The following FAR1 variants were observed in gnomAD, a reference collection of about 807,000 sequenced individuals.
The protein encoded by FAR1 is male sterility domain-containing protein 2.
In FAR1, 22 loss-of-function variants were observed where a neutral mutation model predicts 61.1. The observed-to-expected ratio is 0.36, with a 90% CI of 0.26 to 0.51. FAR1 has a LOEUF of 0.51. Ranked by LOEUF, FAR1 falls within the 20% of genes least tolerant of loss-of-function variation. The probability of loss-of-function intolerance (pLI) is 0.95; values close to 1 mark genes in which losing one functional copy is unlikely to be tolerated. For synonymous variants in FAR1, 206 were observed against 209.7 expected (o/e 0.98, Z 0.15); for missense variants, 359 against 626.9 (o/e 0.57, Z 4.56).
chr11:13,689,652 CAA>C (rs1261672776), intron 1 of FAR1, among the ~76,000 whole-genome samples: 1 of 152,072 alleles, frequency 6.6e-6, no homozygotes, highest in Non-Finnish European at 1.5e-5. Flanking sequence ...GGTATATAAT[CAA>C]GAGTGGAATT....
chr11:13,686,772 A>T (rs1156952327), intron 1 of FAR1: 1 of 152,270 alleles, frequency 6.6e-6, no homozygotes, highest in Non-Finnish European at 1.5e-5. Context: ...TTAATTATCC[A>T]GAAGTTTCTA....
chr11:13,693,532 A>G (rs146069702), intron 1 of FAR1, among the ~76,000 whole-genome samples: 225 of 152,324 alleles, frequency 1.5e-3, no homozygotes, highest in African/African-American at 5.2e-3. Flanking sequence ...AAGTTTATGC[A>G]GAAAGTAAGA....
At chr11:13,722,862 A>C (rs59737624) in intron 10 of FAR1, among the ~76,000 whole-genome samples, 31,647 of 114,936 alleles carry the variant, frequency 0.28, 3,568 homozygotes, top group Non-Finnish European at 0.32. Context: ...CTCTCTCTAT[A>C]TATATATATA....
At chr11:13,717,438 A>G (rs541051786) in intron 9 of FAR1, among the ~76,000 whole-genome samples, 7 of 152,326 alleles carry the variant, frequency 4.6e-5, no homozygotes, top group Admixed American at 2.6e-4. Flanking sequence ...ACACTGGTCT[A>G]TAACATTTCT....
intron 3 of FAR1, 32 bp from the exon 4 acceptor site, chr11:13,707,868 A>G (rs760654007): frequency 2.2e-5 from 32 of 1,446,788 alleles, no homozygotes; most frequent in Non-Finnish European, 2.8e-5. Context: ...TAGCTTCCCA[A>G]TTTTCTATTG....
chr11:13,678,299 G>T (rs987564627), intron 1 of FAR1, among the ~76,000 whole-genome samples: 1 of 152,064 alleles, frequency 6.6e-6, no homozygotes, highest in Non-Finnish European at 1.5e-5. Flanking sequence ...GAGTCTCGCT[G>T]TGTCGCCCAG....
intron 9 of FAR1, 74 bp downstream of exon 9, chr11:13,714,754 TC>T (rs1848537786): frequency 1.5e-6 from 2 of 1,350,422 alleles, no homozygotes; most frequent in Non-Finnish European, 2.0e-6. Context: ...GCATATTAAC[TC>T]TGTATTTGTT....
intron 3 of FAR1, 90 bp from the exon 4 acceptor site, chr11:13,707,808 GTC>G (rs1478111930): frequency 1.6e-5 from 15 of 920,164 alleles, no homozygotes; most frequent in East Asian, 3.2e-5. Context: ...AAATTTCTCT[GTC>G]TCTCTACTTC....
chr11:13,720,269 GA>G lies in FAR1; in HGVS notation c.1128-1457del, dbSNP rs1348397927. ...AAACTTTTTAATAAGGTATATATAG[GA>G]AAACCGTGTTAGCTGTGTGTGTGTG... On this transcript the variant is annotated intron_variant, in intron 9 of 11. Coordinates refer to ENST00000354817, the MANE Select transcript of FAR1 (RefSeq NM_032228.6). 5 of 152,206 alleles carry G rather than the reference GA, an allele frequency of 3.3e-5. No individual in the cohort carries two copies. In the East Asian group the frequency reaches 9.6e-4, roughly 29 times the overall value. The allele number at this position is 152,206 out of a possible 1,614,324, so 9.4% of individuals were successfully genotyped here.
intron 1 of FAR1, among the ~76,000 whole-genome samples, 176 bp downstream of exon 1, chr11:13,668,982 C>T (rs1300920067): frequency 2.0e-5 from 3 of 152,150 alleles, no homozygotes; most frequent in South Asian, 2.1e-4. Context: ...CGCCTCACCC[C>T]GGGTGGTCTC....
chr11:13,695,053 T>A, intron 2 of FAR1, 99 bp downstream of exon 2: 2 of 1,007,542 alleles, frequency 2.0e-6, no homozygotes, highest in Non-Finnish European at 2.7e-6. Context: ...TCTTCAGTAT[T>A]CTGAAAAAAT....
chr11:13,675,948 A>G (rs1328838985), intron 1 of FAR1, among the ~76,000 whole-genome samples: 1 of 152,206 alleles, frequency 6.6e-6, no homozygotes, highest in Non-Finnish European at 1.5e-5. Flanking sequence ...ATTGCTTGTC[A>G]AAGGTCATGA....
intron 9 of FAR1, 101 bp downstream of exon 9, chr11:13,714,781 G>A: frequency 9.4e-7 from 1 of 1,060,850 alleles, no homozygotes; most frequent in Non-Finnish European, 1.3e-6. Flanking sequence ...TTATGATAAG[G>A]CTTAATAGCC....
At position 13,700,200 on chromosome 11, in the gene FAR1, T is replaced by A. The variant is rs1250382496; in HGVS notation, c.190-117T>A. ...CAATTAAGAATAGCAACTTTAGGAATTGTATAGTTTAAGTTTCTAAAAAAA... is the reference window on the plus strand; with the variant it reads ...CAATTAAGAATAGCAACTTTAGGAAATGTATAGTTTAAGTTTCTAAAAAAA... On this transcript the variant is annotated intron_variant, in intron 2 of 11. Coordinates refer to ENST00000354817, the MANE Select transcript of FAR1 (RefSeq NM_032228.6). 9 of 708,846 alleles carry A rather than the reference T, an allele frequency of 1.3e-5. No individual in the cohort carries two copies. The East Asian group carries it at 2.4e-4, about 19-fold the overall frequency. The allele number at this position is 708,846 out of a possible 1,614,324, so 43.9% of individuals were successfully genotyped here.
At chr11:13,715,158 G>C (rs1848542156) in intron 9 of FAR1, among the ~76,000 whole-genome samples, 1 of 152,106 alleles carries the variant, frequency 6.6e-6, no homozygotes. Flanking sequence ...AAGAAGAATA[G>C]CAGTAAATAC....
At chr11:13,684,635 G>A (rs1293818518) in intron 1 of FAR1, among the ~76,000 whole-genome samples, 1 of 152,170 alleles carries the variant, frequency 6.6e-6, no homozygotes, top group East Asian at 1.9e-4. Flanking sequence ...TTTCTATTGT[G>A]TCTTGGTGCT....
At position 13,690,970 on chromosome 11, in the gene FAR1, TTGAGA is replaced by T. The variant is rs577688942; in HGVS notation, c.-7-3782_-7-3778del. Reference sequence around the variant, plus strand: ...TGATGGTTTTTTAAAAAATAATTTATTGAGATGAGATTCACATAATATAAAATAAC... The same window carrying T: ...TGATGGTTTTTTAAAAAATAATTTATTGAGATTCACATAATATAAAATAAC... On this transcript the variant is annotated intron_variant, in intron 1 of 11. Coordinates refer to ENST00000354817, the MANE Select transcript of FAR1 (RefSeq NM_032228.6). Among the ~76,000 whole-genome samples, 40 of 152,346 alleles carry T rather than the reference TTGAGA, an allele frequency of 2.6e-4. No individual in the cohort carries two copies. The South Asian group carries it at 7.9e-3, about 30-fold the overall frequency.
chr11:13,708,067 T>C lies in FAR1; in HGVS notation c.533T>C (p.Ile178Thr). The stretch of plus-strand genomic sequence containing the variant: ...CCACCTGTGGATCCCAAGAAGCTGA[T>C]TGATTCTTTAGAGTATGTTTGTTTG... ...YPPPVDPKKL[I>T]DSLEWMDDGL... Residue 178 changes from isoleucine to threonine, a missense_variant, in exon 4 of 12, where the codon ATT becomes ACT. Physicochemically the swap from Ile to Thr is moderately conservative, Grantham distance 89. Transcript: ENST00000354817. 1 of 1,587,786 alleles carries C rather than the reference T, an allele frequency of 6.3e-7. No individual in the cohort carries two copies. Among genetic ancestry groups the C allele is most frequent in the Non-Finnish European group, 8.6e-7 (1 of 1,168,228 alleles).
chr11:13,672,237 T>A (rs1280171728), intron 1 of FAR1, among the ~76,000 whole-genome samples: 2 of 152,202 alleles, frequency 1.3e-5, no homozygotes, highest in South Asian at 4.1e-4. Context: ...TGACCCCTTG[T>A]AATGTTTTAA....
Sources: allele counts gnomAD v4.1 joint callset (sites outside exome capture counted in the v4.1 genomes callset), GRCh38; gene constraint gnomAD v4.1.1; transcripts MANE v1.5; gene names NCBI Gene and HGNC (gene_info 2026-07-23, HGNC 2026-07-21).